Variants in MACF1 observed in about 807,000 individuals in gnomAD.
The protein encoded by MACF1 is microtubule-actin cross-linking factor 1.
In MACF1, 193 loss-of-function variants were observed where a neutral mutation model predicts 854.8. That is an observed-to-expected ratio of 0.23 (90% CI 0.20 to 0.25). MACF1 has a LOEUF of 0.25. Ranked by LOEUF, MACF1 falls within the 10% of genes least tolerant of loss-of-function variation. MACF1 has a pLI of 1.00. For synonymous variants in MACF1, 3,185 were observed against 3,226.7 expected, an observed-to-expected ratio of 0.99 and a Z score of 0.44; for missense variants, 7,722 against 8,929.1, an observed-to-expected ratio of 0.86 and a Z score of 5.45.
In MACF1 at chr1:39,333,505, T is replaced by G. The variant is rs538792687; in HGVS notation, c.6917T>G (p.Leu2306Arg). 1 of 1,614,162 alleles carries G rather than the reference T, an allele frequency of 6.2e-7. No homozygotes were observed. Among genetic ancestry groups the G allele is most frequent in the Non-Finnish European group, 8.5e-7 (1 of 1,180,026 alleles). Reference protein sequence around the residue: ...GIFHEQTGQKLLLNEAISRGI... With the variant: ...GIFHEQTGQKRLLNEAISRGI... Reference sequence around the variant, plus strand: ...TTTCATGAACAAACAGGTCAAAAGCTCTTACTAAATGAAGCAATATCCCGA... The same window carrying G: ...TTTCATGAACAAACAGGTCAAAAGCGCTTACTAAATGAAGCAATATCCCGA... The change falls in exon 37 of 101, where the codon CTC becomes CGC. Residue 2306 changes from leucine to arginine, a missense_variant. Coordinates refer to ENST00000564288, the MANE Select transcript of MACF1 (RefSeq NM_001394062.1).
chr1:39,175,524 G>A (rs926095533), intron 2 of MACF1, among the ~76,000 whole-genome samples: 1 of 152,106 alleles, frequency 6.6e-6, no homozygotes, highest in Non-Finnish European at 1.5e-5. Flanking sequence ...CTCATTGAGT[G>A]GAATTGTGAG....
intron 2 of MACF1, among the ~76,000 whole-genome samples, chr1:39,112,169 C>T (rs2148145642): frequency 6.6e-6 from 1 of 151,700 alleles, no homozygotes; most frequent in Admixed American, 6.6e-5. Flanking sequence ...TCACTGCAAC[C>T]TCCACCCCCT....
chr1:39,219,169 C>A (rs2148287823), intron 1 of MACF1, among the ~76,000 whole-genome samples: 1 of 152,348 alleles, frequency 6.6e-6, no homozygotes, highest in African/African-American at 2.4e-5. Context: ...TTGGTACTTT[C>A]TCAGCCTACA....
intron 2 of MACF1, among the ~76,000 whole-genome samples, chr1:39,169,193 C>T (rs1331423331): frequency 6.6e-6 from 1 of 152,208 alleles, no homozygotes; most frequent in African/African-American, 2.4e-5. Flanking sequence ...TGAATTACAG[C>T]AACCGCCTCA....
chr1:39,177,861 A>G (rs937320989), intron 2 of MACF1, among the ~76,000 whole-genome samples: 14 of 152,124 alleles, frequency 9.2e-5, no homozygotes, highest in Admixed American at 3.9e-4. Flanking sequence ...TTGGGTGAGC[A>G]TAATGCTGAA....
Position 39,430,839 on chromosome 1 carries a change from C to T in MACF1, c.17268C>T (p.Tyr5756=), listed in dbSNP as rs1643865896. ...TTGTGTCCGATGCTAACGAGCAGTA[C>T]AAACTAGTCAGTGACACTATTGGAC... The part of the protein sequence containing the change: ...DKLVSDANEQ[Y]KLVSDTIGQR... Residue 5756 remains tyrosine, a synonymous_variant, in exon 66 of 101, where the codon TAC becomes TAT. Coordinates refer to ENST00000564288, the MANE Select transcript of MACF1 (RefSeq NM_001394062.1). 1 of 1,612,738 alleles carries T rather than the reference C, an allele frequency of 6.2e-7. No homozygotes were observed. The highest frequency in any genetic ancestry group is 8.5e-7 in the Non-Finnish European group (1 of 1,180,020).
chr1:39,119,298 CA>C (rs1248882829), intron 2 of MACF1, among the ~76,000 whole-genome samples: 1 of 94,672 alleles, frequency 1.1e-5, no homozygotes. Context: ...GCCTGGGCAA[CA>C]AGAGCGAAAC....
intron 23 of MACF1, among the ~76,000 whole-genome samples, chr1:39,306,678 T>C (rs1322243942): frequency 2.0e-5 from 3 of 150,050 alleles, no homozygotes; most frequent in South Asian, 4.2e-4. Flanking sequence ...GTCTCTGTGA[T>C]ACGTGGACCC....
chr1:39,339,371 G>A (rs576595301), intron 38 of MACF1, among the ~76,000 whole-genome samples: 2 of 152,308 alleles, frequency 1.3e-5, no homozygotes, highest in Non-Finnish European at 2.9e-5. Context: ...AGAAGACCTG[G>A]AAACACTCGT....
chr1:39,412,701 A>T, intron 58 of MACF1: 4 of 1,614,010 alleles, frequency 2.5e-6, no homozygotes, highest in Non-Finnish European at 3.4e-6. Flanking sequence ...TTCCAGAGAA[A>T]CAAGTTACCA....
chr1:39,123,203 A>ATTTT lies in MACF1; in HGVS notation c.220+38786_220+38789dup, dbSNP rs10585991. Among the ~76,000 whole-genome samples, 444 of 111,878 alleles carry ATTTT rather than the reference A, an allele frequency of 4.0e-3. 4 individuals are homozygous for ATTTT. Among genetic ancestry groups the ATTTT allele is most frequent in the Middle Eastern group, 9.5e-3 (2 of 210 alleles). The allele number at this position is 111,878 out of a possible 152,430, so 73.4% of individuals were successfully genotyped here. A position where few individuals can be genotyped will look rare whatever the true frequency, so the allele number is the denominator to read the frequency against. ...GCTTGTTAGATACATATATATATAAATTTTTTTTTTTTTTTTTTTTTTTTG... is the reference window on the plus strand; with the variant it reads ...GCTTGTTAGATACATATATATATAAATTTTTTTTTTTTTTTTTTTTTTTTTTTTG... On this transcript the variant is annotated intron_variant, in intron 2 of 93. Transcript: ENST00000361689.
At position 39,469,544 on chromosome 1, in the gene MACF1, T is replaced by C. The variant is rs1344948313; in HGVS notation, c.21890-3T>C. 1.9e-6 allele frequency: 3 copies of C among 1,547,884 alleles called. No individual in the cohort carries two copies. Among genetic ancestry groups the C allele is most frequent in the Non-Finnish European group, 2.6e-6 (3 of 1,144,650 alleles). Reference sequence around the variant, plus strand: ...CTTTCTGTTTACGTATTTTTTATTCTAGTTCACCATCCTGGGAGTAAAATA... The same window carrying C: ...CTTTCTGTTTACGTATTTTTTATTCCAGTTCACCATCCTGGGAGTAAAATA... On this transcript the variant is annotated splice_region_variant and splice_polypyrimidine_tract_variant and intron_variant, in intron 96 of 100. Transcript: ENST00000564288.
Position 39,406,740 on chromosome 1 carries a change from A to G in MACF1, c.15817-15634A>G, listed in dbSNP as rs892696402. On this transcript the variant is annotated intron_variant, in intron 58 of 100. Coordinates refer to ENST00000564288, the MANE Select transcript of MACF1 (RefSeq NM_001394062.1). ...ACAGAGTGAGACAGAGTCTCACTCA[A>G]AAAAAAAAAAAAAAAAAACATTCTT... Among the ~76,000 whole-genome samples, 4 of 143,288 alleles carry G rather than the reference A, an allele frequency of 2.8e-5. No individual in the cohort carries two copies. The East Asian group carries it at 7.9e-4, about 28-fold the overall frequency. 94.0% of individuals were successfully genotyped at this position (143,288 alleles called of 152,430 possible).
intron 2 of MACF1, among the ~76,000 whole-genome samples, chr1:39,165,964 C>T (rs1643877749): frequency 6.6e-6 from 1 of 152,096 alleles, no homozygotes; most frequent in African/African-American, 2.4e-5. Flanking sequence ...TCCTTCCTTC[C>T]TTTCATTGAG....
chr1:39,253,465 A>G (rs934172470), intron 4 of MACF1, among the ~76,000 whole-genome samples: 1 of 148,254 alleles, frequency 6.7e-6, no homozygotes. Flanking sequence ...TTTCTTGAGC[A>G]TATGTAACTT....
At chr1:39,443,335 G>C (rs934309274) in intron 78 of MACF1, 111 bp from the exon 79 acceptor site, 1 of 1,147,908 alleles carries the variant, frequency 8.7e-7, no homozygotes, top group South Asian at 1.6e-5. Context: ...CTTTGCCAGA[G>C]AGCAGCCGAA....
At chr1:39,189,599 T>C (rs930766561) in intron 2 of MACF1, among the ~76,000 whole-genome samples, 2 of 152,198 alleles carry the variant, frequency 1.3e-5, no homozygotes, top group African/African-American at 4.8e-5. Context: ...ATGCTATCTC[T>C]CCTCCTGGAG....
intron 2 of MACF1, among the ~76,000 whole-genome samples, chr1:39,134,133 C>T (rs1158017662): frequency 1.8e-4 from 27 of 149,830 alleles, no homozygotes; most frequent in Non-Finnish European, 1.5e-5. Flanking sequence ...CTCCGCCTCC[C>T]GGGTTCATGC....
intron 2 of MACF1, among the ~76,000 whole-genome samples, chr1:39,172,494 CAG>C (rs1643965120): frequency 6.6e-6 from 1 of 152,132 alleles, no homozygotes; most frequent in African/African-American, 2.4e-5. Context: ...CCAGAGTAAT[CAG>C]AGAGGATCCA....
Sources: allele counts gnomAD v4.1 joint callset (sites outside exome capture counted in the v4.1 genomes callset), GRCh38; gene constraint gnomAD v4.1.1; transcripts MANE v1.5; gene names NCBI Gene and HGNC (gene_info 2026-07-23, HGNC 2026-07-21).